EPHA3: variants seen among roughly 807,000 people sequenced by gnomAD.
EPHA3 encodes the protein ephrin type-A receptor 3.
A neutral mutation model predicts 107.1 loss-of-function variants in EPHA3; 42 were observed. That is an observed-to-expected ratio of 0.39 (90% CI 0.31 to 0.51). EPHA3 has a LOEUF of 0.51. Ranked by LOEUF, EPHA3 falls within the 20% of genes least tolerant of loss-of-function variation. The pLI, the probability that EPHA3 is intolerant of heterozygous loss-of-function variation, is 0.78. For missense variants in EPHA3, 1,183 were observed against 1,211.2 expected (o/e 0.98, Z 0.35); for synonymous variants, 461 against 424.8 (o/e 1.09, Z -1.05).
At chr3:89,394,358 A>C (rs1708807140) in intron 5 of EPHA3, among the ~76,000 whole-genome samples, 1 of 152,164 alleles carries the variant, frequency 6.6e-6, no homozygotes, top group Non-Finnish European at 1.5e-5. Flanking sequence ...ACATCACTAC[A>C]CTCTAGCCTG....
At chr3:89,345,838 T>G (rs1707637511) in intron 5 of EPHA3, among the ~76,000 whole-genome samples, 1 of 131,376 alleles carries the variant, frequency 7.6e-6, no homozygotes, top group East Asian at 2.4e-4. Flanking sequence ...CATTGTTCAA[T>G]TCCCACCTAT....
At chr3:89,423,015 A>C (rs1431359336) in intron 11 of EPHA3, among the ~76,000 whole-genome samples, 1 of 151,382 alleles carries the variant, frequency 6.6e-6, no homozygotes, top group East Asian at 1.9e-4. Flanking sequence ...GTTCAAAAGG[A>C]TAGAACTTGT....
intron 16 of EPHA3, among the ~76,000 whole-genome samples, chr3:89,476,490 G>A (rs1022442366): frequency 6.9e-6 from 1 of 145,972 alleles, no homozygotes; most frequent in Non-Finnish European, 1.5e-5. Context: ...AAGAGCTCAG[G>A]CAATTACTGC....
At chr3:89,163,669 G>A (rs906694077) in intron 2 of EPHA3, among the ~76,000 whole-genome samples, 1 of 152,202 alleles carries the variant, frequency 6.6e-6, no homozygotes, top group African/African-American at 2.4e-5. Flanking sequence ...CTGGGAAATC[G>A]AGGACTCTTG....
chr3:89,476,079 G>T (rs1198275257), intron 16 of EPHA3, among the ~76,000 whole-genome samples: 1 of 146,948 alleles, frequency 6.8e-6, no homozygotes, highest in African/African-American at 2.5e-5. Context: ...TAAAAAAATT[G>T]TATATAAAAC....
chr3:89,200,275 T>C (rs530144953), intron 2 of EPHA3, among the ~76,000 whole-genome samples: 1 of 152,362 alleles, frequency 6.6e-6, no homozygotes, highest in South Asian at 2.1e-4. Flanking sequence ...TCTCTTTTTG[T>C]TGATGCTGCA....
At chr3:89,215,324 G>A (rs1704198576) in intron 3 of EPHA3, among the ~76,000 whole-genome samples, 3 of 151,820 alleles carry the variant, frequency 2.0e-5, no homozygotes. Flanking sequence ...AGTAGTTAAA[G>A]TAAAAACTTA....
chr3:89,319,762 CT>C (rs577454529), intron 3 of EPHA3, among the ~76,000 whole-genome samples: 4 of 152,012 alleles, frequency 2.6e-5, no homozygotes, highest in African/African-American at 9.6e-5. Context: ...GCTCCTCTCT[CT>C]TTTAATTTCT....
intron 5 of EPHA3, among the ~76,000 whole-genome samples, chr3:89,372,472 A>T (rs1387595297): frequency 6.6e-6 from 1 of 151,708 alleles, no homozygotes. Flanking sequence ...TTGAAAAAAA[A>T]AAACTTTGCA....
At chr3:89,123,107 C>G (rs1707425766) in intron 1 of EPHA3, among the ~76,000 whole-genome samples, 1 of 152,014 alleles carries the variant, frequency 6.6e-6, no homozygotes, top group South Asian at 2.1e-4. Flanking sequence ...CAATTTGAGC[C>G]AATTTGCTCT....
intron 3 of EPHA3, among the ~76,000 whole-genome samples, chr3:89,292,761 G>T (rs1706245666): frequency 6.6e-6 from 1 of 152,050 alleles, no homozygotes; most frequent in African/African-American, 2.4e-5. Context: ...CATAGAAAAT[G>T]ACTACTGAAG....
At chr3:89,337,266 G>T (rs562628675) in intron 3 of EPHA3, among the ~76,000 whole-genome samples, 46 of 152,080 alleles carry the variant, frequency 3.0e-4, no homozygotes, top group African/African-American at 1.1e-3. Flanking sequence ...TGTGTTTTAA[G>T]GAAGTAATTT....
At chr3:89,473,130 T>C (rs1346440069) in intron 16 of EPHA3, among the ~76,000 whole-genome samples, 1 of 152,198 alleles carries the variant, frequency 6.6e-6, no homozygotes, top group African/African-American at 2.4e-5. Context: ...TTCATCATTG[T>C]CTACCCTGTA....
At chr3:89,223,342 T>A (rs1704425800) in intron 3 of EPHA3, among the ~76,000 whole-genome samples, 1 of 152,154 alleles carries the variant, frequency 6.6e-6, no homozygotes, top group African/African-American at 2.4e-5. Flanking sequence ...TGGTTGCTCT[T>A]ATTAGAGATG....
At chr3:89,196,039 C>T (rs1351790760) in intron 2 of EPHA3, among the ~76,000 whole-genome samples, 2 of 152,026 alleles carry the variant, frequency 1.3e-5, no homozygotes, top group Non-Finnish European at 2.9e-5. Context: ...TCCTCCTTCT[C>T]CCAGTCATTC....
intron 15 of EPHA3, among the ~76,000 whole-genome samples, chr3:89,453,159 A>G (rs1315803521): frequency 6.6e-6 from 1 of 152,096 alleles, no homozygotes; most frequent in African/African-American, 2.4e-5. Flanking sequence ...TATGGTCCTC[A>G]TTCTGTACCC....
At chr3:89,395,427 A>G (rs1239486834) in intron 5 of EPHA3, among the ~76,000 whole-genome samples, 1 of 152,206 alleles carries the variant, frequency 6.6e-6, no homozygotes, top group Non-Finnish European at 1.5e-5. Context: ...TGAAAATGTT[A>G]TCAATGAGCT....
chr3:89,116,719 T>TAAAAAAAA (rs140739470), intron 1 of EPHA3, among the ~76,000 whole-genome samples: 1 of 132,570 alleles, frequency 7.5e-6, no homozygotes. Flanking sequence ...ACTGTAACAT[T>TAAAAAAAA]AAAAAAAAAA....
intron 3 of EPHA3, among the ~76,000 whole-genome samples, chr3:89,317,866 G>A (rs927119335): frequency 2.0e-5 from 3 of 151,698 alleles, no homozygotes; most frequent in Non-Finnish European, 4.4e-5. Flanking sequence ...TTCTACATAA[G>A]CAATAGTCTT....
Sources: allele counts gnomAD v4.1 joint callset (sites outside exome capture counted in the v4.1 genomes callset), GRCh38; gene constraint gnomAD v4.1.1; transcripts MANE v1.5; gene names NCBI Gene and HGNC (gene_info 2026-07-23, HGNC 2026-07-21).